Variants in EPS8 observed in about 807,000 individuals in gnomAD.
The protein encoded by EPS8 is epidermal growth factor receptor kinase substrate 8.
Under a neutral mutation model 103.8 loss-of-function variants are expected in EPS8, and 42 were observed. That is an observed-to-expected ratio of 0.40 (90% confidence interval 0.32 to 0.52). The LOEUF (loss-of-function observed/expected upper bound fraction) is 0.52, where lower values mean the gene tolerates loss of function less well. Among genes scored for constraint, EPS8 ranks in the 20% least tolerant of loss-of-function variants. The probability of loss-of-function intolerance (pLI) is 0.40; values close to 1 mark genes in which losing one functional copy is unlikely to be tolerated. For synonymous variants in EPS8, 344 were observed against 344.6 expected, an observed-to-expected ratio of 1.00 and a Z score of 0.02; for missense variants, 969 against 1,005.1, an observed-to-expected ratio of 0.96 and a Z score of 0.49.
intron 1 of EPS8, chr12:15,732,787 A>T: frequency 1.0e-6 from 1 of 981,440 alleles, no homozygotes; most frequent in Non-Finnish European, 1.2e-6. Flanking sequence ...CAGTGGCCAC[A>T]GGAGAATAAA....
chr12:15,764,528 G>GC lies in EPS8; in HGVS notation c.-22+24632dup, dbSNP rs1400503401. Among the ~76,000 whole-genome samples, 2 of 152,166 alleles carry GC rather than the reference G, an allele frequency of 1.3e-5. No homozygotes were observed. The highest frequency in any genetic ancestry group is 4.8e-5 in the African/African-American group (2 of 41,436). On this transcript the variant is annotated intron_variant, in intron 1 of 20. Transcript: ENST00000281172. This position sits in a 1 kb window ranked among gnomAD's most constrained non-coding sequence, Gnocchi z 4.1. ...TTTATGTAAACTGTAAAACCAACAG[G>GC]CCTTTGAAGAACTTTTCTCTCTCTA...
intron 1 of EPS8, among the ~76,000 whole-genome samples, chr12:15,788,904 T>C (rs1032814403): frequency 5.3e-5 from 8 of 152,002 alleles, no homozygotes; most frequent in African/African-American, 1.9e-4. Context: ...GAACCCTCCC[T>C]GCCCAGCCTC....
At position 15,642,153 on chromosome 12, in the gene EPS8, C is replaced by A. The variant is rs142484642; in HGVS notation, c.1569-323G>T. ...ATATTATGTTAATTACCATCTCTAC[C>A]ATAAAAGAACTAGATAAAGATAAAT... is the stretch of plus-strand genomic sequence containing the variant. On this transcript the variant is annotated intron_variant, in intron 15 of 20. Coordinates refer to ENST00000281172, the MANE Select transcript of EPS8 (RefSeq NM_004447.6). Among the ~76,000 whole-genome samples, 432 of 151,972 alleles carry A rather than the reference C, an allele frequency of 2.8e-3. 4 individuals carry two copies. The highest frequency in any genetic ancestry group is 1.0e-2 in the African/African-American group (414 of 41,484).
Position 15,697,717 on chromosome 12 carries a change from C to A in EPS8, c.-21-14745G>T, listed in dbSNP as rs1445302562. Among the ~76,000 whole-genome samples, 2 of 152,010 alleles carry A rather than the reference C, an allele frequency of 1.3e-5. No individual in the cohort carries two copies. The highest frequency in any genetic ancestry group is 1.5e-5 in the Non-Finnish European group (1 of 68,004). ...TTTTTTCTTCTTTTGCCAAAAATTA[C>A]AGATGATAGTCCTACATCTGTATAA... On this transcript the variant is annotated intron_variant, in intron 1 of 20. Coordinates refer to ENST00000281172, the MANE Select transcript of EPS8 (RefSeq NM_004447.6). This position sits in a 1 kb window ranked among gnomAD's most constrained non-coding sequence, Gnocchi z 5.6.
chr12:15,707,740 A>T (rs1342501392), intron 1 of EPS8, among the ~76,000 whole-genome samples: 1 of 152,132 alleles, frequency 6.6e-6, no homozygotes, highest in Non-Finnish European at 1.5e-5. Flanking sequence ...CTTTGTAAGA[A>T]TTTGATTAGG....
chr12:15,669,569 A>T, intron 5 of EPS8, 33 bp from the exon 6 acceptor site: 1 of 1,570,962 alleles, frequency 6.4e-7, no homozygotes, highest in Non-Finnish European at 8.6e-7. Flanking sequence ...ATTTTGTCAA[A>T]CTTCCATCCA....
intron 8 of EPS8, chr12:15,662,664 A>G (rs1945626342): frequency 1.0e-6 from 1 of 985,392 alleles, no homozygotes; most frequent in South Asian, 4.7e-5. Context: ...ACATTAAAAA[A>G]TAAATGTCTT....
chr12:15,681,779 C>G (rs925015706), intron 2 of EPS8, among the ~76,000 whole-genome samples: 1 of 150,470 alleles, frequency 6.6e-6, no homozygotes, highest in Non-Finnish European at 1.5e-5. Flanking sequence ...TGGCAGGCAC[C>G]TGTAATCCCA....
chr12:15,667,091 T>C (rs1004960929), intron 6 of EPS8, among the ~76,000 whole-genome samples: 1 of 152,178 alleles, frequency 6.6e-6, no homozygotes, highest in South Asian at 2.1e-4. Context: ...CAGTTAGATT[T>C]TTCTTGGGGA....
intron 1 of EPS8, among the ~76,000 whole-genome samples, chr12:15,724,314 T>C (rs1946629541): frequency 6.6e-6 from 1 of 152,208 alleles, no homozygotes; most frequent in Admixed American, 6.5e-5. Context: ...TTATGTGTTG[T>C]CAAATCATAT....
chr12:15,760,885 T>G lies in EPS8; in HGVS notation c.-22+28276A>C, dbSNP rs2136030250. ...CCTGATAAGCCTTTCCTCTAAGATC[T>G]GGCACACAGGAAGTATGCCCACTTT... On this transcript the variant is annotated intron_variant, in intron 1 of 20. Transcript: ENST00000281172. This position sits in a 1 kb window ranked among gnomAD's most constrained non-coding sequence, Gnocchi z 4.5. 6.6e-6 allele frequency among the ~76,000 whole-genome samples: 1 copy of G among 152,234 alleles called. No homozygotes were observed. The highest frequency in any genetic ancestry group is 1.5e-5 in the Non-Finnish European group (1 of 67,960).
chr12:15,637,592 G>A (rs978798692), intron 17 of EPS8, among the ~76,000 whole-genome samples: 1 of 152,208 alleles, frequency 6.6e-6, no homozygotes, highest in Admixed American at 6.5e-5. Context: ...CTCTAGAGAG[G>A]AGTATCTGTG....
chr12:15,727,655 C>T lies in EPS8; in HGVS notation c.-21-44683G>A, dbSNP rs754763339. 1.2e-3 allele frequency among the ~76,000 whole-genome samples: 186 copies of T among 152,176 alleles called. No individual in the cohort carries two copies. The highest frequency in any genetic ancestry group is 1.1e-3 in the Non-Finnish European group (74 of 68,000). Reference sequence around the variant, plus strand: ...TGGGCGGATCACGAGGTCAGGAGTTCGAGACCAGCCTGACCAACACGGTGA... The same window carrying T: ...TGGGCGGATCACGAGGTCAGGAGTTTGAGACCAGCCTGACCAACACGGTGA... On this transcript the variant is annotated intron_variant, in intron 1 of 20. Coordinates refer to ENST00000281172, the MANE Select transcript of EPS8 (RefSeq NM_004447.6). The surrounding 1 kb of genome is among the most constrained non-coding windows in gnomAD (Gnocchi z 4.3).
chr12:15,695,021 A>G lies in EPS8; in HGVS notation c.-21-12049T>C, dbSNP rs1380570604. Among the ~76,000 whole-genome samples the G allele has an allele frequency of 1.3e-5, 2 of 152,186 alleles. No individual in the cohort carries two copies. The highest frequency in any genetic ancestry group is 2.9e-5 in the Non-Finnish European group (2 of 68,024). On this transcript the variant is annotated intron_variant, in intron 1 of 20. Coordinates refer to ENST00000281172, the MANE Select transcript of EPS8 (RefSeq NM_004447.6). This position sits in a 1 kb window ranked among gnomAD's most constrained non-coding sequence, Gnocchi z 5.0. ...TTATTATGTCAGCCACTGTGCAAGC[A>G]CTTTACATGCATTATCTTACTTCTT...
intron 3 of EPS8, among the ~76,000 whole-genome samples, chr12:15,672,172 A>G (rs1298659202): frequency 1.3e-5 from 2 of 152,170 alleles, no homozygotes; most frequent in Admixed American, 1.3e-4. Context: ...AGTTGTTTGG[A>G]AAGTTCTGCT....
intron 16 of EPS8, among the ~76,000 whole-genome samples, 189 bp downstream of exon 16, chr12:15,641,533 A>G (rs1945229696): frequency 6.6e-6 from 1 of 152,030 alleles, no homozygotes. Flanking sequence ...AAAAACAAAT[A>G]AAGGAGTATT....
At position 15,787,976 on chromosome 12, in the gene EPS8, C is replaced by T. The variant is rs1947327527; in HGVS notation, c.-22+1185G>A. 1 of 152,206 alleles carries T rather than the reference C, an allele frequency of 6.6e-6. No individual in the cohort carries two copies. Among genetic ancestry groups the T allele is most frequent in the East Asian group, 1.9e-4 (1 of 5,204 alleles). The allele number at this position is 152,206 out of a possible 1,614,324, so 9.4% of individuals were successfully genotyped here. A position where few individuals can be genotyped will look rare whatever the true frequency, so the allele number is the denominator to read the frequency against. On this transcript the variant is annotated intron_variant, in intron 1 of 20. Transcript: ENST00000281172. This position sits in a 1 kb window ranked among gnomAD's most constrained non-coding sequence, Gnocchi z 4.9. ...CAATAGACTCACTACCACATGACGT[C>T]CATTACTAGTGCTCACTTTCCAGAA...
At chr12:15,677,068 C>G (rs183936444) in intron 3 of EPS8, among the ~76,000 whole-genome samples, 104 of 152,146 alleles carry the variant, frequency 6.8e-4, no homozygotes, top group African/African-American at 2.5e-3. Flanking sequence ...TTGATTCTGT[C>G]AAAATATCAC....
At chr12:15,651,357 G>A (rs1945411118) in intron 13 of EPS8, among the ~76,000 whole-genome samples, 1 of 152,064 alleles carries the variant, frequency 6.6e-6, no homozygotes, top group Admixed American at 6.5e-5. Context: ...TAAGTATTTA[G>A]AGCACAAACT....
Sources: allele counts gnomAD v4.1 joint callset (sites outside exome capture counted in the v4.1 genomes callset), GRCh38; gene constraint gnomAD v4.1.1; non-coding constraint Gnocchi (gnomAD v3.1); transcripts MANE v1.5; gene names NCBI Gene and HGNC (gene_info 2026-07-23, HGNC 2026-07-21).